RNF144A: variants seen among roughly 807,000 people sequenced by gnomAD.
RNF144A encodes ring finger protein 144A.
In RNF144A, 11 loss-of-function variants were observed where a neutral mutation model predicts 38.7. That is an observed-to-expected ratio of 0.28 (90% CI 0.18 to 0.47). The LOEUF (loss-of-function observed/expected upper bound fraction) is 0.47, where lower values mean the gene tolerates loss of function less well. Ranked by LOEUF, RNF144A falls within the 20% of genes least tolerant of loss-of-function variation. The pLI is 0.99. For synonymous variants in RNF144A, 149 were observed against 143.9 expected, an observed-to-expected ratio of 1.04 and a Z score of -0.25; for missense variants, 316 against 377.2, an observed-to-expected ratio of 0.84 and a Z score of 1.34.
At chr2:6,994,012 T>G (rs1404628532) in intron 2 of RNF144A, among the ~76,000 whole-genome samples, 2 of 152,104 alleles carry the variant, frequency 1.3e-5, no homozygotes, top group Non-Finnish European at 1.5e-5. Context: ...AAACAAAAAT[T>G]GAGTTCACAG....
chr2:7,003,266 A>G (rs1670232738), intron 3 of RNF144A, among the ~76,000 whole-genome samples: 1 of 152,210 alleles, frequency 6.6e-6, no homozygotes, highest in South Asian at 2.1e-4. Context: ...GTGTAGCTGA[A>G]GTATAGAGTG....
chr2:7,012,618 C>T (rs1490308785), intron 3 of RNF144A, among the ~76,000 whole-genome samples: 1 of 152,228 alleles, frequency 6.6e-6, no homozygotes, highest in Admixed American at 6.5e-5. Context: ...TAGTCCGCAG[C>T]GCCACTGCCA....
At chr2:7,019,865 G>T (rs11675243) in intron 5 of RNF144A, among the ~76,000 whole-genome samples, 406 of 152,336 alleles carry the variant, frequency 2.7e-3, no homozygotes, top group African/African-American at 9.2e-3. Context: ...TCTGGCCCTT[G>T]AAGGATTGGT....
chr2:6,951,581 C>T (rs1279711755), intron 2 of RNF144A, among the ~76,000 whole-genome samples: 1 of 152,188 alleles, frequency 6.6e-6, no homozygotes, highest in African/African-American at 2.4e-5. Context: ...GGGATATTGA[C>T]TTTCTCATCC....
At chr2:7,019,319 C>G (rs931273968) in intron 5 of RNF144A, among the ~76,000 whole-genome samples, 1 of 152,198 alleles carries the variant, frequency 6.6e-6, no homozygotes, top group African/African-American at 2.4e-5. Flanking sequence ...CTGCTGGTCC[C>G]GTGGCAATGC....
rs574819909 is a variant in RNF144A, at chr2:6,955,558, C to G, written c.-12+14411C>G. 8.5e-5 allele frequency among the ~76,000 whole-genome samples: 13 copies of G among 152,308 alleles called. No homozygotes were observed. The South Asian group carries it at 2.5e-3, about 29-fold the overall frequency. ...AACTAAATAGAGTTGCTCCTTCAAGCAAAGCCAATTAGGAAGTGTCTGGTG... is the reference window on the plus strand; with the variant it reads ...AACTAAATAGAGTTGCTCCTTCAAGGAAAGCCAATTAGGAAGTGTCTGGTG... On this transcript the variant is annotated intron_variant, in intron 2 of 8. Transcript: ENST00000320892.
intron 2 of RNF144A, among the ~76,000 whole-genome samples, chr2:6,947,602 T>A (rs1238796777): frequency 6.6e-6 from 1 of 152,240 alleles, no homozygotes; most frequent in East Asian, 1.9e-4. Context: ...AAAGGCAATA[T>A]GCCAGAAGTT....
Position 7,037,035 on chromosome 2 carries a change from C to T in RNF144A, c.748-2594C>T, listed in dbSNP as rs578237392. 5.3e-5 allele frequency among the ~76,000 whole-genome samples: 8 copies of T among 152,316 alleles called. No homozygotes were observed. In the South Asian group the frequency reaches 6.2e-4, roughly 12 times the overall value. The stretch of plus-strand genomic sequence containing the variant: ...AAATCTTAGGGTTTGCCAGTACGAA[C>T]GAAGCTGTGCTGTACAGATTCTCTC... On this transcript the variant is annotated intron_variant, in intron 8 of 8. Coordinates refer to ENST00000320892, the MANE Select transcript of RNF144A (RefSeq NM_014746.6).
At chr2:7,069,957 C>T (rs564974091), downstream of RNF144A, among the ~76,000 whole-genome samples, 68 of 152,326 alleles carry the variant, frequency 4.5e-4, no homozygotes, top group African/African-American at 1.6e-3. Context: ...TGTCTTTTTG[C>T]GTGCATGGAA....
Position 6,935,541 on chromosome 2 carries a change from G to A in RNF144A, c.-211-5407G>A, listed in dbSNP as rs144929176. On this transcript the variant is annotated intron_variant, in intron 1 of 8. Transcript: ENST00000320892. Reference sequence around the variant, plus strand: ...CATCCCTGCCCGGGTGAGCTCATTTGGCTTCCAGTGTTAATGGTAACAGCA... The same window carrying A: ...CATCCCTGCCCGGGTGAGCTCATTTAGCTTCCAGTGTTAATGGTAACAGCA... Among the ~76,000 whole-genome samples, 522 of 152,274 alleles carry A rather than the reference G, an allele frequency of 3.4e-3. 4 individuals are homozygous for A. The highest frequency in any genetic ancestry group is 0.02 in the Middle Eastern group (6 of 294).
At chr2:7,028,498 G>A (rs961729925) in intron 7 of RNF144A, among the ~76,000 whole-genome samples, 1 of 152,208 alleles carries the variant, frequency 6.6e-6, no homozygotes, top group Non-Finnish European at 1.5e-5. Flanking sequence ...GCTTGTCCAT[G>A]TCTGCTCGCA....
downstream of RNF144A, among the ~76,000 whole-genome samples, chr2:7,045,810 C>T (rs771499905): frequency 2.0e-5 from 3 of 152,118 alleles, no homozygotes; most frequent in South Asian, 2.1e-4. Context: ...GCTCCGTTGC[C>T]GGTGGTGCTG....
At chr2:7,074,141 A>G in the RNF144A span, among the ~76,000 whole-genome samples, 3 of 152,156 alleles carry the variant, frequency 2.0e-5, no homozygotes, top group Non-Finnish European at 4.4e-5. Context: ...TTAAATCACA[A>G]TGACTCTGTT....
At chr2:6,946,033 G>A (rs555159360) in intron 2 of RNF144A, among the ~76,000 whole-genome samples, 1 of 152,286 alleles carries the variant, frequency 6.6e-6, no homozygotes, top group South Asian at 2.1e-4. Flanking sequence ...AAACAAAAGG[G>A]TTCTGGATGG....
At chr2:6,965,592 G>T (rs542434973) in intron 2 of RNF144A, among the ~76,000 whole-genome samples, 7 of 152,308 alleles carry the variant, frequency 4.6e-5, no homozygotes, top group African/African-American at 1.7e-4. Context: ...TGTCTCAGTG[G>T]CAAGGGTGGA....
chr2:7,034,340 G>T (rs1672522743), intron 8 of RNF144A, among the ~76,000 whole-genome samples: 1 of 152,094 alleles, frequency 6.6e-6, no homozygotes, highest in Non-Finnish European at 1.5e-5. Context: ...AAACAGAGCA[G>T]CCAGGAGTGT....
chr2:6,957,152 G>A (rs1015168534), intron 2 of RNF144A, among the ~76,000 whole-genome samples: 13 of 152,190 alleles, frequency 8.5e-5, no homozygotes, highest in Admixed American at 7.9e-4. Context: ...AGTGTCTGCA[G>A]GAAGCTCTTC....
At chr2:7,075,854 G>A in the RNF144A span, among the ~76,000 whole-genome samples, 1 of 152,276 alleles carries the variant, frequency 6.6e-6, no homozygotes, top group South Asian at 2.1e-4. Flanking sequence ...GGGAAGGGGG[G>A]ACATGTGAAA....
intron 2 of RNF144A, among the ~76,000 whole-genome samples, chr2:6,964,943 A>G (rs947460921): frequency 6.6e-6 from 1 of 152,156 alleles, no homozygotes; most frequent in African/African-American, 2.4e-5. Context: ...CATTGTGCAC[A>G]TGTACCCTAA....
Sources: allele counts gnomAD v4.1 joint callset (sites outside exome capture counted in the v4.1 genomes callset), GRCh38; gene constraint gnomAD v4.1.1; transcripts MANE v1.5; gene names NCBI Gene and HGNC (gene_info 2026-07-23, HGNC 2026-07-21).